Variants in TMTC2 observed in about 807,000 individuals in gnomAD.
TMTC2 encodes protein O-mannosyl-transferase TMTC2.
Under a neutral mutation model 82.4 loss-of-function variants are expected in TMTC2, and 43 were observed. That is an observed-to-expected ratio of 0.52 (90% CI 0.41 to 0.67). The LOEUF is 0.67. TMTC2 is among the 30% of genes least tolerant of loss of function. The pLI is 0.00. For missense variants in TMTC2, 919 were observed against 1,012.4 expected, an observed-to-expected ratio of 0.91 and a Z score of 1.25; for synonymous variants, 408 against 381.9, an observed-to-expected ratio of 1.07 and a Z score of -0.80.
At chr12:82,862,210 G>C (rs1871589576) in intron 2 of TMTC2, among the ~76,000 whole-genome samples, 1 of 152,092 alleles carries the variant, frequency 6.6e-6, no homozygotes, top group African/African-American at 2.4e-5. Flanking sequence ...ACTTTTATCT[G>C]CCCACAAAAT....
intron 2 of TMTC2, among the ~76,000 whole-genome samples, chr12:82,881,800 G>T (rs868398902): frequency 6.6e-6 from 1 of 152,068 alleles, no homozygotes. Context: ...ATTAATTTGT[G>T]CTTTCAGCAA....
chr12:82,983,946 T>A (rs1003374273), intron 7 of TMTC2, among the ~76,000 whole-genome samples: 1 of 152,078 alleles, frequency 6.6e-6, no homozygotes, highest in African/African-American at 2.4e-5. Flanking sequence ...ATTTCCTTTA[T>A]TTGAAACATT....
At chr12:82,883,576 T>C (rs1212348633) in intron 2 of TMTC2, among the ~76,000 whole-genome samples, 2 of 152,206 alleles carry the variant, frequency 1.3e-5, no homozygotes, top group African/African-American at 4.8e-5. Context: ...TGGGCTCACA[T>C]GCTTAACTCA....
At chr12:83,045,616 CAT>C (rs1353082130) in intron 9 of TMTC2, among the ~76,000 whole-genome samples, 1 of 151,736 alleles carries the variant, frequency 6.6e-6, no homozygotes, top group African/African-American at 2.4e-5. Flanking sequence ...TATCTATACA[CAT>C]ATGTGTAAAC....
chr12:82,795,311 CAAAAAA>C (rs35485888), intron 1 of TMTC2, among the ~76,000 whole-genome samples: 3 of 94,890 alleles, frequency 3.2e-5, no homozygotes, highest in Admixed American at 2.2e-4. Context: ...GATTCCATCT[CAAAAAA>C]AAAAAAAAAA....
At chr12:82,981,023 T>C (rs566640255) in intron 7 of TMTC2, among the ~76,000 whole-genome samples, 34 of 152,040 alleles carry the variant, frequency 2.2e-4, no homozygotes, top group African/African-American at 8.2e-4. Flanking sequence ...TAGGAACAAA[T>C]GATAATCTAC....
intron 2 of TMTC2, among the ~76,000 whole-genome samples, chr12:82,866,253 A>AAC (rs202226936): frequency 0.031 from 4,701 of 151,506 alleles, 275 homozygotes; most frequent in African/African-American, 0.11. Context: ...TCAAAAAAAA[A>AAC]AAAAAAAAAA....
chr12:83,043,963 C>T (rs1177548818), intron 9 of TMTC2, among the ~76,000 whole-genome samples: 1 of 152,056 alleles, frequency 6.6e-6, no homozygotes, highest in African/African-American at 2.4e-5. Context: ...TGATTGATAT[C>T]TGGATTTTTT....
At chr12:82,923,419 T>C (rs971240985) in intron 3 of TMTC2, among the ~76,000 whole-genome samples, 6 of 152,162 alleles carry the variant, frequency 3.9e-5, no homozygotes, top group Admixed American at 6.5e-5. Context: ...ATGTTTGAAA[T>C]ATCTTCTCCC....
chr12:82,825,957 C>T (rs949683438), intron 1 of TMTC2, among the ~76,000 whole-genome samples: 2 of 151,792 alleles, frequency 1.3e-5, no homozygotes, highest in South Asian at 2.1e-4. Context: ...CAAATTATTG[C>T]GAATGGAAAG....
chr12:83,037,266 T>C (rs547943151), intron 9 of TMTC2, among the ~76,000 whole-genome samples: 28 of 152,306 alleles, frequency 1.8e-4, no homozygotes, highest in Admixed American at 1.4e-3. Context: ...ATGAGTTGAA[T>C]TGGTGAGTGG....
intron 1 of TMTC2, among the ~76,000 whole-genome samples, chr12:82,730,988 A>G (rs965873300): frequency 2.0e-5 from 3 of 152,262 alleles, no homozygotes; most frequent in African/African-American, 7.2e-5. Flanking sequence ...AGCTTGTGGA[A>G]AAGCAGACAT....
chr12:82,739,090 GT>G (rs1875264069), intron 1 of TMTC2, among the ~76,000 whole-genome samples: 1 of 150,528 alleles, frequency 6.6e-6, no homozygotes, highest in Non-Finnish European at 1.5e-5. Context: ...AGAGGTTGCA[GT>G]GAGGTGAGAT....
chr12:82,949,094 C>A (rs187391109), intron 4 of TMTC2, among the ~76,000 whole-genome samples: 1 of 152,244 alleles, frequency 6.6e-6, no homozygotes, highest in Non-Finnish European at 1.5e-5. Context: ...TTTTACTGAG[C>A]AAGAAAGGTT....
intron 11 of TMTC2, among the ~76,000 whole-genome samples, chr12:83,080,220 T>A (rs1484324663): frequency 6.6e-6 from 1 of 152,208 alleles, no homozygotes. Flanking sequence ...CACTTGAATT[T>A]GTATAAACTG....
chr12:82,715,907 A>G (rs1303940067), intron 1 of TMTC2, among the ~76,000 whole-genome samples: 2 of 152,224 alleles, frequency 1.3e-5, no homozygotes, highest in Non-Finnish European at 2.9e-5. Context: ...TGTAGAAATC[A>G]GATAATGACA....
intron 3 of TMTC2, among the ~76,000 whole-genome samples, chr12:82,929,001 A>G (rs113141714): frequency 1.1e-3 from 161 of 152,330 alleles, no homozygotes; most frequent in African/African-American, 3.6e-3. Flanking sequence ...ATCAAACACA[A>G]TAATATTAAT....
Position 82,891,778 on chromosome 12 carries a change from T to C in TMTC2, c.655-4040T>C, listed in dbSNP as rs568356084. On this transcript the variant is annotated intron_variant, in intron 2 of 11. Coordinates refer to ENST00000321196, the MANE Select transcript of TMTC2 (RefSeq NM_152588.3). The stretch of plus-strand genomic sequence containing the variant: ...ATAGGTGAACGTGTGTTTTGGCCGA[T>C]ACTTTAAAAGCCATAGCAAATCACA... 3.3e-5 allele frequency among the ~76,000 whole-genome samples: 5 copies of C among 152,358 alleles called. No homozygotes were observed. The South Asian group carries it at 6.2e-4, about 19-fold the overall frequency.
At chr12:82,987,438 G>GAA (rs1437900920) in intron 8 of TMTC2, among the ~76,000 whole-genome samples, 4 of 113,550 alleles carry the variant, frequency 3.5e-5, no homozygotes, top group African/African-American at 1.3e-4. Context: ...AAAAAAAAGA[G>GAA]AAAAAAAAAA....
Sources: gnomAD v4.1 joint callset for allele counts (sites outside exome capture counted in the v4.1 genomes callset) on GRCh38, gnomAD v4.1.1 for gene constraint, MANE v1.5 for transcripts, NCBI Gene and HGNC (gene_info 2026-07-23, HGNC 2026-07-21) for gene names.